Variants in KIF6 observed in about 807,000 individuals in gnomAD.
The protein encoded by KIF6 is kinesin-like protein KIF6.
A neutral mutation model predicts 112.7 loss-of-function variants in KIF6; 106 were observed. That is an observed-to-expected ratio of 0.94 (90% CI 0.80 to 1.11). The LOEUF (loss-of-function observed/expected upper bound fraction) is 1.11. KIF6 is among the 50% of genes least tolerant of loss of function. The pLI is 0.00. For synonymous variants in KIF6, 339 were observed against 339.9 expected (o/e 1.00, Z 0.03); for missense variants, 929 against 964.0 (o/e 0.96, Z 0.48).
At chr6:39,372,675 A>C (rs1766108600) in intron 16 of KIF6, among the ~76,000 whole-genome samples, 1 of 152,206 alleles carries the variant, frequency 6.6e-6, no homozygotes. Flanking sequence ...AGTTTGCTGC[A>C]GTTTCATTTT....
intron 15 of KIF6, among the ~76,000 whole-genome samples, chr6:39,396,157 G>A (rs144097289): frequency 1.2e-4 from 18 of 152,356 alleles, no homozygotes; most frequent in African/African-American, 4.1e-4. Flanking sequence ...GAAGAGACTG[G>A]AGATTAGGAG....
intron 10 of KIF6, among the ~76,000 whole-genome samples, chr6:39,576,605 G>C (rs1321916188): frequency 6.6e-6 from 1 of 152,118 alleles, no homozygotes; most frequent in Non-Finnish European, 1.5e-5. Flanking sequence ...ACAGTGTCTC[G>C]ACTAGCACCT....
chr6:39,437,655 G>A (rs1771618176), intron 13 of KIF6, among the ~76,000 whole-genome samples: 1 of 152,148 alleles, frequency 6.6e-6, no homozygotes. Flanking sequence ...ATGTCACCAT[G>A]CTTACTGGCC....
chr6:39,649,367 G>A (rs543900934), intron 3 of KIF6, among the ~76,000 whole-genome samples: 2 of 152,246 alleles, frequency 1.3e-5, no homozygotes, highest in South Asian at 4.2e-4. Context: ...AGAATATCTA[G>A]ATTAGAAATA....
At chr6:39,703,300 A>G (rs978067194) in intron 3 of KIF6, among the ~76,000 whole-genome samples, 4 of 151,976 alleles carry the variant, frequency 2.6e-5, no homozygotes, top group Non-Finnish European at 4.4e-5. Flanking sequence ...GGGTGTGATA[A>G]AGCAATTTAA....
intron 10 of KIF6, among the ~76,000 whole-genome samples, chr6:39,559,160 G>T (rs1241574165): frequency 6.6e-6 from 1 of 152,158 alleles, no homozygotes; most frequent in African/African-American, 2.4e-5. Context: ...AGCCATTAAT[G>T]ACCTCTGGGA....
chr6:39,578,018 A>G, intron 10 of KIF6, 38 bp downstream of exon 10: 1 of 1,350,448 alleles, frequency 7.4e-7, no homozygotes, highest in Non-Finnish European at 1.1e-6. Context: ...ACAAACTTTC[A>G]CTGTTAAAGA....
At chr6:39,398,726 A>T (rs1350419364) in intron 15 of KIF6, among the ~76,000 whole-genome samples, 6 of 152,234 alleles carry the variant, frequency 3.9e-5, no homozygotes, top group Non-Finnish European at 7.3e-5. Flanking sequence ...TCTTTAGCAG[A>T]ACTATAGGTT....
intron 19 of KIF6, among the ~76,000 whole-genome samples, chr6:39,352,261 G>T (rs1356244558): frequency 6.6e-6 from 1 of 152,222 alleles, no homozygotes; most frequent in Non-Finnish European, 1.5e-5. Flanking sequence ...ACTGGTGAAT[G>T]AATATAGATA....
chr6:39,345,867 G>A (rs1214667126), intron 20 of KIF6, 78 bp from the exon 21 acceptor site: 9 of 1,023,834 alleles, frequency 8.8e-6, no homozygotes, highest in African/African-American at 1.6e-5. Context: ...ATATCTAGGA[G>A]CTGTTATGGA....
rs754081960 is a variant in KIF6 at position 39,681,252 on chromosome 6, CAGA to C, written c.251+33437_251+33439del. Among the ~76,000 whole-genome samples the C allele has an allele frequency of 8.0e-4, 122 of 152,106 alleles. 1 individual carries two copies. Among genetic ancestry groups the C allele is most frequent in the Non-Finnish European group, 9.9e-4 (67 of 68,006 alleles). ...ATATAACCAAGCTGTTTCCATATTT[CAGA>C]AGAATACCCAATTAAAAGCAAAAAC... On this transcript the variant is annotated intron_variant, in intron 3 of 22. Transcript: ENST00000287152.
intron 10 of KIF6, among the ~76,000 whole-genome samples, chr6:39,575,188 C>T (rs557106611): frequency 1.8e-4 from 28 of 152,208 alleles, no homozygotes; most frequent in African/African-American, 6.7e-4. Context: ...CTCATCTTTC[C>T]TGGACTCTCA....
intron 10 of KIF6, among the ~76,000 whole-genome samples, chr6:39,576,779 C>T (rs538572410): frequency 6.6e-6 from 1 of 152,272 alleles, no homozygotes; most frequent in East Asian, 1.9e-4. Flanking sequence ...TGGGGTGTTG[C>T]TTCATTTCCT....
Position 39,358,068 on chromosome 6 carries a change from C to T in KIF6, c.2083-694G>A, listed in dbSNP as rs1232885597. Among the ~76,000 whole-genome samples, 5 of 152,190 alleles carry T rather than the reference C, an allele frequency of 3.3e-5. 1 individual carries two copies. Among genetic ancestry groups the T allele is most frequent in the Admixed American group, 6.6e-5 (1 of 15,266 alleles). ...CCTACTAAAGTCAGGAGACATCCAC[C>T]GAGCACTTTGTGTAGGGGAACAGCT... is the stretch of plus-strand genomic sequence containing the variant. On this transcript the variant is annotated intron_variant, in intron 18 of 22. Transcript: ENST00000287152.
chr6:39,724,565 G>A (rs1247591674), intron 1 of KIF6, among the ~76,000 whole-genome samples: 1 of 152,012 alleles, frequency 6.6e-6, no homozygotes, highest in African/African-American at 2.4e-5. Context: ...GGAAGCACCT[G>A]GTAAATATTT....
intron 16 of KIF6, among the ~76,000 whole-genome samples, chr6:39,376,171 T>C (rs1301454347): frequency 6.6e-6 from 1 of 152,236 alleles, no homozygotes; most frequent in Non-Finnish European, 1.5e-5. Context: ...TGGAACCAAC[T>C]GAGATGTTAT....
chr6:39,390,512 A>G (rs1767792403), intron 15 of KIF6, among the ~76,000 whole-genome samples: 1 of 152,198 alleles, frequency 6.6e-6, no homozygotes. Context: ...GCAGAGGCCA[A>G]GTATATACTG....
At position 39,665,100 on chromosome 6, in the gene KIF6, T is replaced by C. The variant is rs370317937; in HGVS notation, c.252-25343A>G. Among the ~76,000 whole-genome samples the C allele has an allele frequency of 5.9e-5, 9 of 152,300 alleles. No homozygotes were observed. In the South Asian group the frequency reaches 1.7e-3, roughly 28 times the overall value. ...GGAAATGTATAAACATATACTACTA[T>C]GGTTGGCAATTGCATGCACCCAGCT... On this transcript the variant is annotated intron_variant, in intron 3 of 22. Transcript: ENST00000287152.
intron 9 of KIF6, among the ~76,000 whole-genome samples, 192 bp downstream of exon 9, chr6:39,584,706 T>C (rs892037916): frequency 1.3e-5 from 2 of 152,148 alleles, no homozygotes; most frequent in African/African-American, 2.4e-5. Context: ...AACATCTTTT[T>C]ACCTCAGTTT....
Sources: allele counts gnomAD v4.1 joint callset (sites outside exome capture counted in the v4.1 genomes callset), GRCh38; gene constraint gnomAD v4.1.1; transcripts MANE v1.5; gene names NCBI Gene and HGNC (gene_info 2026-07-23, HGNC 2026-07-21).